ZBTB20: variants seen among roughly 807,000 people sequenced by gnomAD.
ZBTB20 encodes the protein zinc finger and BTB domain-containing protein 20.
ZBTB20 carries 9 observed loss-of-function variants against 56.9 expected under a neutral mutation model. The ratio of observed to expected loss-of-function variants is 0.16; its 90% CI spans 0.10 to 0.28. ZBTB20 has a LOEUF of 0.28. Among genes scored for constraint, ZBTB20 ranks in the 10% least tolerant of loss-of-function variants. The pLI, the probability that ZBTB20 is intolerant of heterozygous loss-of-function variation, is 1.00. For synonymous variants in ZBTB20, 417 were observed against 420.7 expected (o/e 0.99, Z 0.11); for missense variants, 655 against 1,003.0 (o/e 0.65, Z 4.69).
chr3:114,380,126 A>C, intron 10 of ZBTB20, 91 bp downstream of exon 10: 5 of 1,323,258 alleles, frequency 3.8e-6, no homozygotes, highest in Non-Finnish European at 4.9e-6. Flanking sequence ...AAATGCAAAG[A>C]GCTCGCTCTG....
intron 5 of ZBTB20, among the ~76,000 whole-genome samples, chr3:114,770,213 T>C (rs1004580646): frequency 8.6e-5 from 13 of 151,694 alleles, no homozygotes; most frequent in African/African-American, 2.7e-4. Context: ...CTTACTCGTA[T>C]AGATCACCTG....
intron 3 of ZBTB20, among the ~76,000 whole-genome samples, chr3:114,926,982 C>A (rs1256080881): frequency 1.3e-5 from 2 of 152,064 alleles, no homozygotes; most frequent in African/African-American, 2.4e-5. Flanking sequence ...GGGGCTCAAT[C>A]AATCCTCCCT....
At chr3:114,649,974 A>C (rs751067042) in intron 6 of ZBTB20, among the ~76,000 whole-genome samples, 1 of 151,898 alleles carries the variant, frequency 6.6e-6, no homozygotes, top group Non-Finnish European at 1.5e-5. Flanking sequence ...TTGAGAAGCT[A>C]CTCCAGACTA....
chr3:114,914,044 T>A (rs1287070714), intron 3 of ZBTB20, among the ~76,000 whole-genome samples: 1 of 151,994 alleles, frequency 6.6e-6, no homozygotes, highest in Admixed American at 6.6e-5. Context: ...GCTCAGGATA[T>A]CTTTGGCTAT....
chr3:115,109,975 C>T (rs918876718), intron 1 of ZBTB20, among the ~76,000 whole-genome samples: 1 of 152,026 alleles, frequency 6.6e-6, no homozygotes, highest in Non-Finnish European at 1.5e-5. Context: ...TTTGGGAGGC[C>T]GAGGTGGGCA....
chr3:114,330,462 TTAAG>T lies in ZBTB20; in HGVS notation c.*8539_*8542del, dbSNP rs1218074687. 2.0e-5 allele frequency: 3 copies of T among 152,222 alleles called. No individual in the cohort carries two copies. The highest frequency in any genetic ancestry group is 4.4e-5 in the Non-Finnish European group (3 of 68,034). The allele number at this position is 152,222 out of a possible 1,614,324, so 9.4% of individuals were successfully genotyped here. ...AATACTGCAATGTAGTGTATTGTAGTTAAGTAAGCATACCTAAATAGTAACTCAT... is the reference window on the plus strand; with the variant it reads ...AATACTGCAATGTAGTGTATTGTAGTTAAGCATACCTAAATAGTAACTCAT... On this transcript the variant is annotated 3_prime_UTR_variant, in exon 12 of 12. Coordinates refer to ENST00000675478, the MANE Select transcript of ZBTB20 (RefSeq NM_001348800.3).
intron 7 of ZBTB20, among the ~76,000 whole-genome samples, chr3:114,497,529 T>C (rs1179015176): frequency 6.6e-6 from 1 of 152,208 alleles, no homozygotes; most frequent in Non-Finnish European, 1.5e-5. Flanking sequence ...CCCTTTTCTT[T>C]CTGCTCTTTC....
At position 114,331,050 on chromosome 3, in the gene ZBTB20, T is replaced by C. The variant is rs184492123; in HGVS notation, c.*7955A>G. ...AGGAGACACAGTTTGTGAATTACGA[T>C]GATATCTTGTGAGTACAGGCAGAAT... On this transcript the variant is annotated 3_prime_UTR_variant, in exon 12 of 12. Coordinates refer to ENST00000675478, the MANE Select transcript of ZBTB20 (RefSeq NM_001348800.3). 2.0e-5 allele frequency: 3 copies of C among 152,336 alleles called. No individual in the cohort carries two copies. Among genetic ancestry groups the C allele is most frequent in the African/African-American group, 7.2e-5 (3 of 41,544 alleles). The allele number at this position is 152,336 out of a possible 1,614,324, so 9.4% of individuals were successfully genotyped here.
In ZBTB20 at chr3:114,526,207, C is replaced by G. The variant is rs72952562; in HGVS notation, c.-294-25816G>C. On this transcript the variant is annotated intron_variant, in intron 6 of 11. Coordinates refer to ENST00000675478, the MANE Select transcript of ZBTB20 (RefSeq NM_001348800.3). ...CATTTGAAGGAATCAGCTTTCACACCTTCTTTTAAACTACCTTGCATATTT... is the reference window on the plus strand; with the variant it reads ...CATTTGAAGGAATCAGCTTTCACACGTTCTTTTAAACTACCTTGCATATTT... Among the ~76,000 whole-genome samples, 1,347 of 152,214 alleles carry G rather than the reference C, an allele frequency of 8.8e-3. 18 individuals are homozygous for G. Among genetic ancestry groups the G allele is most frequent in the African/African-American group, 0.031 (1,273 of 41,506 alleles).
chr3:114,733,587 C>T (rs934129277), intron 5 of ZBTB20, among the ~76,000 whole-genome samples: 1 of 152,160 alleles, frequency 6.6e-6, no homozygotes, highest in East Asian at 1.9e-4. Context: ...TTTAATTACA[C>T]TTTTCTACCT....
chr3:115,127,944 TTAAAA>T (rs1488659244), intron 1 of ZBTB20, among the ~76,000 whole-genome samples: 6 of 152,156 alleles, frequency 3.9e-5, no homozygotes, highest in Non-Finnish European at 8.8e-5. Context: ...TTCTTGAGGA[TTAAAA>T]TAAACAGATC....
chr3:115,091,968 G>C (rs1307041954), intron 1 of ZBTB20, among the ~76,000 whole-genome samples: 1 of 152,020 alleles, frequency 6.6e-6, no homozygotes, highest in Admixed American at 6.6e-5. Flanking sequence ...GTGAAAGAAG[G>C]AGCACCTCAA....
intron 8 of ZBTB20, among the ~76,000 whole-genome samples, chr3:114,383,114 C>G (rs1036320052): frequency 2.0e-5 from 3 of 152,168 alleles, no homozygotes; most frequent in African/African-American, 7.2e-5. Context: ...GCAAAACTAC[C>G]TGACTGGCTG....
At chr3:114,865,091 G>C (rs1246655088) in intron 4 of ZBTB20, among the ~76,000 whole-genome samples, 1 of 151,976 alleles carries the variant, frequency 6.6e-6, no homozygotes, top group African/African-American at 2.4e-5. Flanking sequence ...CTTCACACAG[G>C]ATTGCCATCT....
intron 6 of ZBTB20, among the ~76,000 whole-genome samples, chr3:114,641,851 T>A (rs1400256510): frequency 6.6e-6 from 1 of 151,930 alleles, no homozygotes; most frequent in Non-Finnish European, 1.5e-5. Flanking sequence ...TTTTATTTTT[T>A]AAAAAAAGAC....
intron 1 of ZBTB20, among the ~76,000 whole-genome samples, chr3:115,116,388 T>C (rs1435048577): frequency 1.3e-5 from 2 of 152,104 alleles, no homozygotes; most frequent in Non-Finnish European, 1.5e-5. Context: ...TTTCTTGGAA[T>C]GCATGGACTT....
rs139091924 is a variant in ZBTB20, at chr3:114,912,340, G to C, written c.-455-11998C>G. Reference sequence around the variant, plus strand: ...TTATATGAAAGAATAAAACTTACTGGTAAAAATAAACATATAGTCAAAATC... The same window carrying C: ...TTATATGAAAGAATAAAACTTACTGCTAAAAATAAACATATAGTCAAAATC... On this transcript the variant is annotated intron_variant, in intron 3 of 11. Transcript: ENST00000675478. Among the ~76,000 whole-genome samples, 332 of 150,928 alleles carry C rather than the reference G, an allele frequency of 2.2e-3. 1 individual carries two copies. Among genetic ancestry groups the C allele is most frequent in the Non-Finnish European group, 3.4e-3 (228 of 67,698 alleles).
chr3:114,983,520 T>C (rs994813984), intron 2 of ZBTB20, among the ~76,000 whole-genome samples: 2 of 151,968 alleles, frequency 1.3e-5, no homozygotes, highest in African/African-American at 2.4e-5. Context: ...TGAAAGCTAA[T>C]AGTAAAACTC....
At chr3:115,101,173 C>T (rs747122448) in intron 1 of ZBTB20, among the ~76,000 whole-genome samples, 1 of 152,090 alleles carries the variant, frequency 6.6e-6, no homozygotes, top group Non-Finnish European at 1.5e-5. Flanking sequence ...GAAATAAATC[C>T]CATAAGAAGC....
Sources: allele counts gnomAD v4.1 joint callset (sites outside exome capture counted in the v4.1 genomes callset), GRCh38; gene constraint gnomAD v4.1.1; transcripts MANE v1.5; gene names NCBI Gene and HGNC (gene_info 2026-07-23, HGNC 2026-07-21).